The following CC2D1A variants were observed in gnomAD, a reference collection of about 807,000 sequenced individuals.
CC2D1A encodes the protein coiled-coil and C2 domain-containing protein 1A.
Under a neutral mutation model 123.8 loss-of-function variants are expected in CC2D1A, and 68 were observed. The observed-to-expected ratio is 0.55, with a 90% CI of 0.45 to 0.67. CC2D1A has a LOEUF of 0.67. CC2D1A is among the 30% of genes least tolerant of loss of function. CC2D1A has a pLI of 0.00. For synonymous variants in CC2D1A, 477 were observed against 528.0 expected, an observed-to-expected ratio of 0.90 and a Z score of 1.32; for missense variants, 1,185 against 1,290.3, an observed-to-expected ratio of 0.92 and a Z score of 1.25.
chr19:13,907,448 G>A (rs1362350256), intron 1 of CC2D1A, among the ~76,000 whole-genome samples: 1 of 151,858 alleles, frequency 6.6e-6, no homozygotes, highest in Non-Finnish European at 1.5e-5. Context: ...GGAAGTCCGG[G>A]GTGGTGTCTC....
rs776033212 is a variant in CC2D1A at position 13,923,485 on chromosome 19, A to G, written c.1764+30A>G. 7.7e-5 allele frequency: 121 copies of G among 1,574,634 alleles called. 1 individual carries two copies. In the Middle Eastern group the frequency reaches 1.2e-3, roughly 15 times the overall value. On this transcript the variant is annotated intron_variant, in intron 15 of 28. Coordinates refer to ENST00000318003, the MANE Select transcript of CC2D1A (RefSeq NM_017721.5). This position sits in a 1 kb window ranked among gnomAD's most constrained non-coding sequence, Gnocchi z 5.3. Reference sequence around the variant, plus strand: ...GGGGGAGGCCCCCAGCCCATCCCCCAGGAGCGTGACCCTCCTTCCCCTCTC... The same window carrying G: ...GGGGGAGGCCCCCAGCCCATCCCCCGGGAGCGTGACCCTCCTTCCCCTCTC...
At chr19:13,912,485 C>A in intron 3 of CC2D1A, 43 bp from the exon 4 acceptor site, 1 of 1,614,076 alleles carries the variant, frequency 6.2e-7, no homozygotes, top group Non-Finnish European at 8.5e-7. Context: ...TTGCCCCCAT[C>A]CAGCAGGCCC....
At chr19:13,926,635 T>C (rs987876552) in intron 18 of CC2D1A, 32 bp from the exon 19 acceptor site, 1 of 1,614,206 alleles carries the variant, frequency 6.2e-7, no homozygotes, top group African/African-American at 1.3e-5. Context: ...GGACCCCCTC[T>C]CTGCCCAGCT....
chr19:13,920,846 T>A lies in CC2D1A; in HGVS notation c.1565T>A (p.Met522Lys). The A allele has an allele frequency of 6.2e-7, 1 of 1,614,156 alleles. No individual in the cohort carries two copies. The highest frequency in any genetic ancestry group is 2.2e-5 in the East Asian group (1 of 44,876). Residue 522 changes from methionine (M) to lysine (K), a missense_variant, in exon 14 of 29, where the codon ATG (methionine) becomes AAG (lysine). Coordinates refer to ENST00000318003, the MANE Select transcript of CC2D1A (RefSeq NM_017721.5). The stretch of plus-strand genomic sequence containing the variant: ...AAAAACGACGTGGAGGGTGCCAAGA[T>A]GCACCTGCGCCAAGCCAAGGGACTG... ...KQKNDVEGAK[M>K]HLRQAKGLEP...
chr19:13,914,315 C>T (rs1000262728), intron 6 of CC2D1A, among the ~76,000 whole-genome samples: 1 of 151,068 alleles, frequency 6.6e-6, no homozygotes, highest in Non-Finnish European at 1.5e-5. Flanking sequence ...GGACTACAGG[C>T]ATGCACCACA....
chr19:13,928,282 G>A (rs138626578), intron 24 of CC2D1A, 94 bp downstream of exon 24: 330 of 1,071,414 alleles, frequency 3.1e-4, no homozygotes, highest in African/African-American at 1.1e-3. Context: ...ATTGGACCAC[G>A]TCCCTCTCCT....
In CC2D1A at chr19:13,918,118, A is replaced by T; in HGVS notation, c.797A>T (p.Asp266Val). 6.2e-7 allele frequency: 1 copy of T among 1,612,376 alleles called. No individual in the cohort carries two copies. The highest frequency in any genetic ancestry group is 8.5e-7 in the Non-Finnish European group (1 of 1,179,790). The stretch of plus-strand genomic sequence containing the variant: ...GCCCAGTTGCAGAGCCGCCAGCGCG[A>T]CTACAAGCTGGCTGCCCTCCACGCC... ...PLAQLQSRQR[D>V]YKLAALHAKQ... The change falls in exon 7 of 29, where the codon GAC becomes GTC. Residue 266 changes from aspartate (D) to valine (V), a missense_variant. Physicochemically the swap from Asp to Val is radical, Grantham distance 152. Transcript: ENST00000318003.
In CC2D1A at chr19:13,920,834, A is replaced by G. The variant is rs1223075289; in HGVS notation, c.1553A>G (p.Glu518Gly). 6.2e-7 allele frequency: 1 copy of G among 1,614,166 alleles called. No individual in the cohort carries two copies. Among genetic ancestry groups the G allele is most frequent in the African/African-American group, 1.3e-5 (1 of 75,066 alleles). ...CGAGCCAAGCAGAAAAACGACGTGGAGGGTGCCAAGATGCACCTGCGCCAA... is the reference window on the plus strand; with the variant it reads ...CGAGCCAAGCAGAAAAACGACGTGGGGGGTGCCAAGATGCACCTGCGCCAA... ...ALRAKQKNDV[E>G]GAKMHLRQAK... Residue 518 changes from glutamate (E) to glycine (G), a missense_variant, in exon 14 of 29, where the codon GAG (glutamate) becomes GGG (glycine). Coordinates refer to ENST00000318003, the MANE Select transcript of CC2D1A (RefSeq NM_017721.5).
chr19:13,910,021 A>G (rs1970942553), intron 2 of CC2D1A, 63 bp downstream of exon 2: 3 of 1,424,712 alleles, frequency 2.1e-6, no homozygotes, highest in Non-Finnish European at 2.8e-6. Context: ...CGGGCGCAGA[A>G]CTGGGGGCAC....
chr19:13,928,051 C>A, intron 23 of CC2D1A, 21 bp downstream of exon 23: 1 of 1,612,258 alleles, frequency 6.2e-7, no homozygotes, highest in Non-Finnish European at 8.5e-7. Context: ...CCACCCCCAC[C>A]CATCAGCAAC....
intron 6 of CC2D1A, among the ~76,000 whole-genome samples, chr19:13,915,429 A>G (rs1357230006): frequency 6.6e-6 from 1 of 152,160 alleles, no homozygotes; most frequent in Non-Finnish European, 1.5e-5. Flanking sequence ...TATTTTTAGT[A>G]GAGACGGGGT....
In CC2D1A at chr19:13,929,338, G is replaced by A. The variant is rs73515511; in HGVS notation, c.2520-41G>A. On this transcript the variant is annotated intron_variant, in intron 24 of 28. Transcript: ENST00000318003. ...CTTTTGAATTAACAGGGTTGGGCTG[G>A]GGGAATCTCTGCAGTCCCTTATCCT... 4.0e-3 allele frequency: 6,440 copies of A among 1,601,162 alleles called. 72 individuals are homozygous for A. The highest frequency in any genetic ancestry group is 0.035 in the African/African-American group (2,579 of 73,966).
At chr19:13,912,811 C>T (rs1025852765) in intron 4 of CC2D1A, among the ~76,000 whole-genome samples, 6 of 152,194 alleles carry the variant, frequency 3.9e-5, no homozygotes, top group African/African-American at 1.2e-4. Context: ...TGCCACCACG[C>T]CTGGCTAATT....
At position 13,920,019 on chromosome 19, in the gene CC2D1A, G is replaced by A. The variant is rs1296426234; in HGVS notation, c.1356+68G>A. The A allele has an allele frequency of 2.7e-6, 4 of 1,476,994 alleles. No homozygotes were observed. The African/African-American group carries it at 4.2e-5, about 16-fold the overall frequency. 91.5% of individuals were successfully genotyped at this position (1,476,994 alleles called of 1,614,324 possible). A position where few individuals can be genotyped will look rare whatever the true frequency, so the allele number is the denominator to read the frequency against. On this transcript the variant is annotated intron_variant, in intron 12 of 28. Transcript: ENST00000318003. ...CCCAGCACTTTGGGAATCCAAGATG[G>A]GAGGATCGCTTGAGGCCAGGAGTTT...
At position 13,912,417 on chromosome 19, in the gene CC2D1A, G is replaced by A; in HGVS notation, c.291G>A (p.Leu97=). 2 of 1,613,826 alleles carry A rather than the reference G, an allele frequency of 1.2e-6. No homozygotes were observed. The highest frequency in any genetic ancestry group is 1.7e-5 in the Admixed American group (1 of 59,948). ...AGGAGGGGACGGATGAGGACGACTT[G>A]GAGGCTGATGATGACCTGCTGGTGA... ...DEEEGTDEDD[L]EADDDLLAEL... Residue 97 remains leucine, a synonymous_variant, in exon 3 of 29, where the codon TTG becomes TTA. Coordinates refer to ENST00000318003, the MANE Select transcript of CC2D1A (RefSeq NM_017721.5).
At chr19:13,918,606 G>T in intron 8 of CC2D1A, 30 bp downstream of exon 8, 1 of 1,608,950 alleles carries the variant, frequency 6.2e-7, no homozygotes, top group Non-Finnish European at 8.5e-7. Context: ...CACTCTCTGG[G>T]ATGGTTTCAG....
chr19:13,913,501 C>G lies in CC2D1A; in HGVS notation c.611C>G (p.Thr204Arg), dbSNP rs919856220. ...PVAIGKGPAS[T>R]PTYSPAPTQP... ...GCCATAGGAAAAGGCCCGGCGTCCA[C>G]GCCTACCTACAGCCCTGCACCCACC... Residue 204 changes from threonine to arginine, a missense_variant, in exon 6 of 29, where the codon ACG becomes AGG. Transcript: ENST00000318003. 1.2e-6 allele frequency: 2 copies of G among 1,614,054 alleles called. No homozygotes were observed. Among genetic ancestry groups the G allele is most frequent in the Non-Finnish European group, 1.7e-6 (2 of 1,180,040 alleles).
intron 24 of CC2D1A, 102 bp downstream of exon 24, chr19:13,928,290 C>T (rs542600100): frequency 8.9e-6 from 9 of 1,008,912 alleles, no homozygotes; most frequent in South Asian, 3.1e-5. Flanking sequence ...ACGTCCCTCT[C>T]CTGCTGCAAA....
chr19:13,917,949 C>T lies in CC2D1A; in HGVS notation c.749-121C>T, dbSNP rs1335125683. 5.7e-6 allele frequency: 6 copies of T among 1,052,670 alleles called. No individual in the cohort carries two copies. In the Admixed American group the frequency reaches 1.2e-4, roughly 22 times the overall value. The allele number at this position is 1,052,670 out of a possible 1,614,324, so 65.2% of individuals were successfully genotyped here. ...TTGCGCCACTGTACCCCAGCATGGG[C>T]AACAGAGTGAGGCTCTGTCTGAAAA... is the stretch of plus-strand genomic sequence containing the variant. On this transcript the variant is annotated intron_variant, in intron 6 of 28. Transcript: ENST00000318003.
Sources: gnomAD v4.1 joint callset for allele counts (sites outside exome capture counted in the v4.1 genomes callset) on GRCh38, gnomAD v4.1.1 for gene constraint, Gnocchi (gnomAD v3.1) non-coding constraint, MANE v1.5 for transcripts, NCBI Gene and HGNC (gene_info 2026-07-23, HGNC 2026-07-21) for gene names.